The following POGZ variants were observed in gnomAD, a reference collection of about 807,000 sequenced individuals.
POGZ encodes the protein pogo transposable element derived with ZNF domain, also known as pogo transposable element with ZNF domain.
Under a neutral mutation model 134.6 loss-of-function variants are expected in POGZ, and 17 were observed. The ratio of observed to expected loss-of-function variants is 0.13; its 90% CI spans 0.09 to 0.19. POGZ has a LOEUF of 0.19. Among genes scored for constraint, POGZ ranks in the 10% least tolerant of loss-of-function variants. POGZ has a pLI of 1.00. For synonymous variants in POGZ, 693 were observed against 657.1 expected, an observed-to-expected ratio of 1.05 and a Z score of -0.84; for missense variants, 1,306 against 1,769.7, an observed-to-expected ratio of 0.74 and a Z score of 4.70.
At chr1:151,412,480 C>T in intron 10 of POGZ, 84 bp from the exon 11 acceptor site, 1 of 750,242 alleles carries the variant, frequency 1.3e-6, no homozygotes, top group Non-Finnish European at 2.3e-6. Flanking sequence ...TTCTCTGCCT[C>T]CTTTATTTTG....
intron 9 of POGZ, 87 bp from the exon 10 acceptor site, chr1:151,423,638 A>C: frequency 1.9e-6 from 2 of 1,051,312 alleles, no homozygotes; most frequent in Non-Finnish European, 2.8e-6. Context: ...CAGAACAAAC[A>C]TTATCTGCTC....
At chr1:151,447,642 ATTTTTTTT>A (rs35308281) in intron 1 of POGZ, among the ~76,000 whole-genome samples, 26 of 52,984 alleles carry the variant, frequency 4.9e-4, no homozygotes, top group South Asian at 4.1e-3. Flanking sequence ...TGTCTGGCTA[ATTTTTTTT>A]TTTTTTTTTT....
chr1:151,411,812 G>C, intron 11 of POGZ, 41 bp from the exon 12 acceptor site: 1 of 1,530,328 alleles, frequency 6.5e-7, no homozygotes, highest in East Asian at 2.4e-5. Context: ...AGAATGAAGT[G>C]AACAACTGAG....
chr1:151,408,236 C>G lies in POGZ; in HGVS notation c.2239G>C (p.Val747Leu). The G allele has an allele frequency of 6.2e-7, 1 of 1,610,078 alleles. No homozygotes were observed. The highest frequency in any genetic ancestry group is 8.5e-7 in the Non-Finnish European group (1 of 1,178,788). The change falls in exon 15 of 19, where the codon GTC (valine) becomes CTC (leucine). Residue 747 changes from valine (V) to leucine (L), a missense_variant. Coordinates refer to ENST00000271715, the MANE Select transcript of POGZ (RefSeq NM_015100.4). ...IQKRAVRKMS[V>L]MGRQTCLECS... ...TCCAGGCATGTCTGCCGGCCCATGA[C>G]ACTCCTGTGGGGGAAAAAAAAAAAG...
rs190200647 is a variant in POGZ at position 151,417,934 on chromosome 1, C to T, written c.1678+5463G>A. Among the ~76,000 whole-genome samples, 522 of 152,174 alleles carry T rather than the reference C, an allele frequency of 3.4e-3. 1 individual carries two copies. Among genetic ancestry groups the T allele is most frequent in the Non-Finnish European group, 6.2e-3 (422 of 68,016 alleles). On this transcript the variant is annotated intron_variant, in intron 10 of 18. Coordinates refer to ENST00000271715, the MANE Select transcript of POGZ (RefSeq NM_015100.4). ...CACAATAGGCAAAATATAGAATCAA[C>T]CTAAGTGCCCACCAACAGATGAATG...
At position 151,442,137 on chromosome 1, in the gene POGZ, T is replaced by C. The variant is rs762775121; in HGVS notation, c.68A>G (p.Asp23Gly). 3 of 1,609,546 alleles carry C rather than the reference T, an allele frequency of 1.9e-6. No individual in the cohort carries two copies. The highest frequency in any genetic ancestry group is 2.6e-6 in the Non-Finnish European group (3 of 1,175,808). The change falls in exon 2 of 19, where the codon GAT becomes GGT. Residue 23 changes from aspartate (D) to glycine (G), a missense_variant. Transcript: ENST00000271715. ...TTCAACTACAGAGTCCTCAATGACATCACTGATTTTCTGCCATGGCTCCAA... is the reference window on the plus strand; with the variant it reads ...TTCAACTACAGAGTCCTCAATGACACCACTGATTTTCTGCCATGGCTCCAA... ...EELEPWQKIS[D>G]VIEDSVVEDY...
intron 1 of POGZ, among the ~76,000 whole-genome samples, chr1:151,448,310 A>G (rs529312453): frequency 6.6e-6 from 1 of 152,256 alleles, no homozygotes; most frequent in South Asian, 2.1e-4. Context: ...AAGATAATTT[A>G]TATGTAGTTA....
intron 1 of POGZ, chr1:151,455,166 A>G (rs1485417578): frequency 6.6e-6 from 1 of 152,120 alleles, no homozygotes; most frequent in Non-Finnish European, 1.5e-5. Context: ...CAAGAATACC[A>G]AAGAATCTAT....
chr1:151,423,382 A>C lies in POGZ; in HGVS notation c.1678+15T>G. On this transcript the variant is annotated intron_variant, in intron 10 of 18. Coordinates refer to ENST00000271715, the MANE Select transcript of POGZ (RefSeq NM_015100.4). ...AAGGTATATTCCCCTTGAGTTTAAG[A>C]GTTTCCAAACTTACTAGTAGATTCA... 1.2e-6 allele frequency: 2 copies of C among 1,611,158 alleles called. No homozygotes were observed. Among genetic ancestry groups the C allele is most frequent in the Non-Finnish European group, 1.7e-6 (2 of 1,177,304 alleles).
intron 1 of POGZ, among the ~76,000 whole-genome samples, chr1:151,446,177 CA>C (rs10711955): frequency 0.95 from 120,738 of 127,114 alleles, 57,428 homozygotes; most frequent in East Asian, 1. Context: ...AATGTGCCCT[CA>C]AAAAAAAAAA....
intron 1 of POGZ, among the ~76,000 whole-genome samples, chr1:151,451,892 T>C (rs1662134026): frequency 6.7e-6 from 1 of 150,360 alleles, no homozygotes. Flanking sequence ...AGATCAGGAG[T>C]TCGAGACCAG....
At chr1:151,411,496 A>T in intron 12 of POGZ, 129 bp downstream of exon 12, 1 of 619,952 alleles carries the variant, frequency 1.6e-6, no homozygotes, top group South Asian at 2.3e-5. Flanking sequence ...TGAATTCAAT[A>T]AATTTCTGCA....
Position 151,441,101 on chromosome 1 carries a change from A to G in POGZ, c.125-15T>C, listed in dbSNP as rs1383103883. The G allele has an allele frequency of 6.8e-6, 11 of 1,609,142 alleles. No individual in the cohort carries two copies. Among genetic ancestry groups the G allele is most frequent in the African/African-American group, 1.3e-5 (1 of 74,832 alleles). On this transcript the variant is annotated splice_polypyrimidine_tract_variant and intron_variant, in intron 2 of 18. Coordinates refer to ENST00000271715, the MANE Select transcript of POGZ (RefSeq NM_015100.4). ...GCTCACAGAAACTGTGGGGAAGGGG[A>G]GGCATAGTCACTTGGAGACAGGGAC...
chr1:151,423,375 G>A, intron 10 of POGZ, 22 bp downstream of exon 10: 2 of 1,607,530 alleles, frequency 1.2e-6, no homozygotes, highest in South Asian at 2.2e-5. Flanking sequence ...TTCCCCTTGA[G>A]TTTAAGAGTT....
chr1:151,443,984 T>C (rs1200434722), intron 1 of POGZ, among the ~76,000 whole-genome samples: 1 of 152,182 alleles, frequency 6.6e-6, no homozygotes, highest in East Asian at 1.9e-4. Context: ...TTATTGAGTA[T>C]TTAGTTAGGG....
intron 10 of POGZ, among the ~76,000 whole-genome samples, chr1:151,418,778 C>A (rs1389896763): frequency 6.6e-6 from 1 of 152,014 alleles, no homozygotes; most frequent in East Asian, 1.9e-4. Flanking sequence ...GTAATCCTAG[C>A]ACTTTGGGAA....
At chr1:151,434,152 A>G (rs779962307) in intron 3 of POGZ, among the ~76,000 whole-genome samples, 2 of 152,154 alleles carry the variant, frequency 1.3e-5, no homozygotes, top group African/African-American at 4.8e-5. Flanking sequence ...TCTACTAAAA[A>G]TACAAAAGTT....
At chr1:151,423,177 A>G (rs931315962) in intron 10 of POGZ, among the ~76,000 whole-genome samples, 3 of 152,210 alleles carry the variant, frequency 2.0e-5, no homozygotes, top group South Asian at 2.1e-4. Flanking sequence ...CTAACAATTC[A>G]GGATCTAACA....
Position 151,406,022 on chromosome 1 carries a change from G to T in POGZ, c.3013C>A (p.Arg1005Ser), listed in dbSNP as rs771238316. ...GAGGCCTGGAAACGTCGAAGCCAAC[G>T]GCGAATACGTCGCTGGGGATTTCGG... Reference protein sequence around the residue: ...HFRNPQRRIRRWLRRFQASQG... With the variant: ...HFRNPQRRIRSWLRRFQASQG... Residue 1005 changes from arginine (R) to serine (S), a missense_variant, in exon 19 of 19, where the codon CGT (arginine) becomes AGT (serine). Arg to Ser is a moderately radical substitution (Grantham distance 110). Transcript: ENST00000271715. The T allele has an allele frequency of 6.2e-7, 1 of 1,614,194 alleles. No individual in the cohort carries two copies. Among genetic ancestry groups the T allele is most frequent in the South Asian group, 1.1e-5 (1 of 91,086 alleles).
Sources: allele counts gnomAD v4.1 joint callset (sites outside exome capture counted in the v4.1 genomes callset), GRCh38; gene constraint gnomAD v4.1.1; transcripts MANE v1.5; gene names NCBI Gene and HGNC (gene_info 2026-07-23, HGNC 2026-07-21).